The following LRRC4C variants were observed in gnomAD, a reference collection of about 807,000 sequenced individuals.
The protein encoded by LRRC4C is leucine-rich repeat-containing protein 4C.
In LRRC4C, 5 loss-of-function variants were observed where a neutral mutation model predicts 33.6. The ratio of observed to expected loss-of-function variants is 0.15; its 90% CI spans 0.08 to 0.31. The LOEUF (loss-of-function observed/expected upper bound fraction) is 0.31, where lower values mean the gene tolerates loss of function less well. Ranked by LOEUF, LRRC4C falls within the 10% of genes least tolerant of loss-of-function variation. The probability of loss-of-function intolerance (pLI) is 1.00; values close to 1 mark genes in which losing one functional copy is unlikely to be tolerated. For synonymous variants in LRRC4C, 329 were observed against 302.0 expected (o/e 1.09, Z -0.93); for missense variants, 560 against 796.7 (o/e 0.70, Z 3.58).
At chr11:40,705,306 A>C (rs952663254) in intron 2 of LRRC4C, among the ~76,000 whole-genome samples, 1 of 151,974 alleles carries the variant, frequency 6.6e-6, no homozygotes, top group Non-Finnish European at 1.5e-5. Flanking sequence ...TGCTGCACCC[A>C]TTAACTCGTC....
At chr11:40,743,234 G>A (rs1221329129) in intron 2 of LRRC4C, among the ~76,000 whole-genome samples, 1 of 152,050 alleles carries the variant, frequency 6.6e-6, no homozygotes, top group Non-Finnish European at 1.5e-5. Context: ...TGAATGCAAA[G>A]GACCAGGCAC....
At chr11:41,103,358 G>T (rs1406077038) in intron 1 of LRRC4C, among the ~76,000 whole-genome samples, 1 of 151,886 alleles carries the variant, frequency 6.6e-6, no homozygotes, top group African/African-American at 2.4e-5. Flanking sequence ...ACTGAAATTA[G>T]CATTTCCCCT....
chr11:40,552,880 C>T (rs545481280), intron 3 of LRRC4C, among the ~76,000 whole-genome samples: 3 of 152,110 alleles, frequency 2.0e-5, no homozygotes, highest in Admixed American at 2.0e-4. Context: ...AACAAAGCTT[C>T]TGAGATGTAA....
At chr11:40,281,493 T>A (rs1943473018) in intron 4 of LRRC4C, among the ~76,000 whole-genome samples, 1 of 152,144 alleles carries the variant, frequency 6.6e-6, no homozygotes, top group Admixed American at 6.5e-5. Context: ...ATCGGCACAC[T>A]CTGAGATTTG....
intron 1 of LRRC4C, among the ~76,000 whole-genome samples, chr11:41,383,467 T>C (rs1172751582): frequency 6.6e-6 from 1 of 152,038 alleles, no homozygotes; most frequent in Non-Finnish European, 1.5e-5. Flanking sequence ...ATATTGTATG[T>C]AGAGTCTTTT....
chr11:40,845,207 C>T (rs573103992), intron 2 of LRRC4C, among the ~76,000 whole-genome samples: 2 of 151,472 alleles, frequency 1.3e-5, no homozygotes, highest in South Asian at 2.1e-4. Context: ...GCAGAATGTG[C>T]AGGTTTGTTA....
chr11:41,152,512 C>T (rs979077635), intron 1 of LRRC4C, among the ~76,000 whole-genome samples: 5 of 152,160 alleles, frequency 3.3e-5, no homozygotes, highest in South Asian at 2.1e-4. Flanking sequence ...GTAACATCTT[C>T]AGCCACTGCA....
intron 1 of LRRC4C, among the ~76,000 whole-genome samples, chr11:41,083,544 G>T (rs190480966): frequency 6.6e-6 from 1 of 152,150 alleles, no homozygotes; most frequent in Non-Finnish European, 1.5e-5. Context: ...AGTCCATGTG[G>T]ATGATACAGC....
chr11:41,112,895 G>GGT (rs150006340), intron 1 of LRRC4C, among the ~76,000 whole-genome samples: 2 of 151,806 alleles, frequency 1.3e-5, no homozygotes, highest in Non-Finnish European at 2.9e-5. Flanking sequence ...TATATGAGTA[G>GGT]GTGTGTGTGT....
At chr11:40,427,636 TG>T (rs1219966907) in intron 3 of LRRC4C, among the ~76,000 whole-genome samples, 3 of 151,650 alleles carry the variant, frequency 2.0e-5, no homozygotes. Context: ...GAAACCAGAG[TG>T]GGTAACATGG....
chr11:40,324,954 G>T (rs149142668), intron 3 of LRRC4C, among the ~76,000 whole-genome samples: 313 of 152,200 alleles, frequency 2.1e-3, no homozygotes, highest in African/African-American at 7.3e-3. Context: ...TTATTTTGAG[G>T]ACTAAATGAA....
At chr11:41,250,458 T>C (rs955529017) in intron 1 of LRRC4C, among the ~76,000 whole-genome samples, 1 of 152,186 alleles carries the variant, frequency 6.6e-6, no homozygotes, top group Non-Finnish European at 1.5e-5. Context: ...GTAAAGGTCA[T>C]AGATATTTGA....
intron 3 of LRRC4C, among the ~76,000 whole-genome samples, chr11:40,433,471 G>A (rs1951017624): frequency 6.6e-6 from 1 of 152,040 alleles, no homozygotes; most frequent in Non-Finnish European, 1.5e-5. Flanking sequence ...TTCAGAGCCT[G>A]TAGTTCATAA....
intron 1 of LRRC4C, among the ~76,000 whole-genome samples, chr11:40,971,153 C>T (rs1851702049): frequency 6.6e-6 from 1 of 152,140 alleles, no homozygotes; most frequent in African/African-American, 2.4e-5. Flanking sequence ...TAAAGAGGAG[C>T]CAAATGCTGA....
At chr11:40,183,232 T>C (rs933964750) in intron 5 of LRRC4C, among the ~76,000 whole-genome samples, 4 of 152,208 alleles carry the variant, frequency 2.6e-5, no homozygotes, top group Non-Finnish European at 5.9e-5. Context: ...CATCCATTCA[T>C]TCGATTGCAA....
At chr11:41,178,532 TTTTTTG>T (rs1407855576) in intron 1 of LRRC4C, among the ~76,000 whole-genome samples, 1 of 152,058 alleles carries the variant, frequency 6.6e-6, no homozygotes, top group Non-Finnish European at 1.5e-5. Flanking sequence ...TTTTGTACTT[TTTTTTG>T]TAGAAACAGG....
intron 2 of LRRC4C, among the ~76,000 whole-genome samples, chr11:40,727,434 T>C (rs189686199): frequency 6.6e-6 from 1 of 152,294 alleles, no homozygotes. Flanking sequence ...AATTAAATAC[T>C]TAAGTGTAAG....
intron 1 of LRRC4C, among the ~76,000 whole-genome samples, chr11:41,123,261 G>GTTTTTGT (rs1565404058): frequency 2.1e-5 from 1 of 48,086 alleles, no homozygotes; most frequent in Non-Finnish European, 4.8e-5. Flanking sequence ...GCTATGTTTT[G>GTTTTTGT]TTTTTTTTTT....
At chr11:40,615,490 A>G (rs1295087678) in intron 3 of LRRC4C, among the ~76,000 whole-genome samples, 1 of 151,540 alleles carries the variant, frequency 6.6e-6, no homozygotes, top group Admixed American at 6.6e-5. Context: ...TATTTGCTTC[A>G]TCACAGTCCT....
Sources: gnomAD v4.1 joint callset for allele counts (sites outside exome capture counted in the v4.1 genomes callset) on GRCh38, gnomAD v4.1.1 for gene constraint, MANE v1.5 for transcripts, NCBI Gene and HGNC (gene_info 2026-07-23, HGNC 2026-07-21) for gene names.